LDB2: variants seen among roughly 807,000 people sequenced by gnomAD.
The protein encoded by LDB2 is LIM domain binding 2, also known as LIM domain-binding protein 2.
Under a neutral mutation model 44.3 loss-of-function variants are expected in LDB2, and 12 were observed. The ratio of observed to expected loss-of-function variants is 0.27; its 90% CI spans 0.17 to 0.44. The LOEUF (loss-of-function observed/expected upper bound fraction) is 0.44. Ranked by LOEUF, LDB2 falls within the 20% of genes least tolerant of loss-of-function variation. LDB2 has a pLI of 1.00. For synonymous variants in LDB2, 164 were observed against 174.8 expected (o/e 0.94, Z 0.49); for missense variants, 344 against 473.5 (o/e 0.73, Z 2.54).
intron 1 of LDB2, among the ~76,000 whole-genome samples, chr4:16,865,480 C>T (rs1231148183): frequency 1.3e-5 from 2 of 152,166 alleles, no homozygotes; most frequent in African/African-American, 4.8e-5. Context: ...ACAAGCCCTG[C>T]TGGAGATGGC....
chr4:16,894,622 T>C (rs1322048226), intron 1 of LDB2, among the ~76,000 whole-genome samples: 2 of 152,136 alleles, frequency 1.3e-5, no homozygotes, highest in Non-Finnish European at 2.9e-5. Context: ...ATGTGGGGGA[T>C]GTGAGATGAA....
chr4:16,652,364 T>A (rs183406772), intron 2 of LDB2, among the ~76,000 whole-genome samples: 1 of 152,326 alleles, frequency 6.6e-6, no homozygotes, highest in East Asian at 1.9e-4. Flanking sequence ...TCTTCAGAAC[T>A]GAAAAGCTAC....
intron 2 of LDB2, among the ~76,000 whole-genome samples, chr4:16,753,419 T>G (rs939744524): frequency 6.6e-6 from 1 of 152,086 alleles, no homozygotes; most frequent in Non-Finnish European, 1.5e-5. Flanking sequence ...AAGACAAAAT[T>G]GAAGAACTTA....
intron 1 of LDB2, among the ~76,000 whole-genome samples, chr4:16,853,633 C>T (rs545914241): frequency 6.6e-6 from 1 of 152,268 alleles, no homozygotes; most frequent in East Asian, 1.9e-4. Context: ...TGGACATATA[C>T]CCAAAGGAAA....
At chr4:16,585,202 C>T (rs1716314164) in intron 5 of LDB2, among the ~76,000 whole-genome samples, 1 of 152,260 alleles carries the variant, frequency 6.6e-6, no homozygotes, top group East Asian at 1.9e-4. Flanking sequence ...AAGATGTAGC[C>T]CCAGCTACCC....
chr4:16,798,547 C>T (rs1317450593), intron 1 of LDB2, among the ~76,000 whole-genome samples: 1 of 152,220 alleles, frequency 6.6e-6, no homozygotes, highest in African/African-American at 2.4e-5. Flanking sequence ...TAGTGACTGC[C>T]ACCTCCCAGA....
Position 16,736,564 on chromosome 4 carries a change from G to A in LDB2, c.235+22594C>T, listed in dbSNP as rs1225009966. 7.2e-5 allele frequency among the ~76,000 whole-genome samples: 11 copies of A among 152,290 alleles called. No individual in the cohort carries two copies. The East Asian group carries it at 2.1e-3, about 29-fold the overall frequency. Reference sequence around the variant, plus strand: ...ACAATGGAGAAACATATTAAATTTAGTACAGGAAATCCAGGGTTCAAACCC... The same window carrying A: ...ACAATGGAGAAACATATTAAATTTAATACAGGAAATCCAGGGTTCAAACCC... On this transcript the variant is annotated intron_variant, in intron 2 of 7. Transcript: ENST00000304523.
chr4:16,652,965 A>G (rs1281095254), intron 2 of LDB2, among the ~76,000 whole-genome samples: 1 of 152,204 alleles, frequency 6.6e-6, no homozygotes, highest in Admixed American at 6.5e-5. Context: ...CAATTTACAA[A>G]TAATTAACAT....
intron 2 of LDB2, among the ~76,000 whole-genome samples, chr4:16,662,230 T>G (rs1214484009): frequency 6.6e-6 from 1 of 152,154 alleles, no homozygotes; most frequent in Admixed American, 6.5e-5. Context: ...CCCTGGCCCT[T>G]GCTCACATCC....
At chr4:16,805,673 C>T (rs544701079) in intron 1 of LDB2, among the ~76,000 whole-genome samples, 1 of 152,326 alleles carries the variant, frequency 6.6e-6, no homozygotes, top group African/African-American at 2.4e-5. Flanking sequence ...TTGGGAACCA[C>T]TACCTTGTTC....
rs1035911670 is a variant in LDB2, at chr4:16,582,352, A to T, written c.615+3570T>A. Among the ~76,000 whole-genome samples the T allele has an allele frequency of 1.3e-5, 2 of 152,184 alleles. No homozygotes were observed. The highest frequency in any genetic ancestry group is 4.8e-5 in the African/African-American group (2 of 41,450). On this transcript the variant is annotated intron_variant, in intron 5 of 7. Transcript: ENST00000304523. The surrounding 1 kb of genome is among the most constrained non-coding windows in gnomAD (Gnocchi z 4.8). ...CATTGACCCGGATGGCCCAATGCGC[A>T]CTAAACTGCACTGCCTTCTCATGGT...
chr4:16,864,389 T>C (rs1458743899), intron 1 of LDB2, among the ~76,000 whole-genome samples: 1 of 145,462 alleles, frequency 6.9e-6, no homozygotes, highest in Admixed American at 7.0e-5. Context: ...CACCTTAAAA[T>C]AGAATAGGTC....
intron 1 of LDB2, among the ~76,000 whole-genome samples, chr4:16,827,804 C>T (rs913477278): frequency 3.3e-5 from 5 of 152,164 alleles, no homozygotes; most frequent in Admixed American, 6.5e-5. Context: ...CAAAGATTCA[C>T]GGAAAAGCCT....
Position 16,501,551 on chromosome 4 carries a change from AAC to A in LDB2, c.*1090_*1091del, listed in dbSNP as rs1717539567. The A allele has an allele frequency of 6.5e-6, 1 of 152,774 alleles. No homozygotes were observed. The highest frequency in any genetic ancestry group is 1.9e-4 in the East Asian group (1 of 5,190). The allele number at this position is 152,774 out of a possible 1,614,324, so 9.5% of individuals were successfully genotyped here. On this transcript the variant is annotated 3_prime_UTR_variant, in exon 8 of 8. Coordinates refer to ENST00000304523, the MANE Select transcript of LDB2 (RefSeq NM_001290.5). ...GCCAGATTCACTTGCTTTGGTCATT[AAC>A]ACAGTTTATTATTGGCACACTTATC...
At chr4:16,529,613 A>G (rs1577407749) in intron 5 of LDB2, among the ~76,000 whole-genome samples, 3 of 152,100 alleles carry the variant, frequency 2.0e-5, no homozygotes, top group South Asian at 4.2e-4. Flanking sequence ...TCCTCCACCT[A>G]TCTGCATTTA....
intron 3 of LDB2, among the ~76,000 whole-genome samples, chr4:16,591,377 GTC>G (rs1718897218): frequency 6.6e-6 from 1 of 152,148 alleles, no homozygotes; most frequent in Non-Finnish European, 1.5e-5. Flanking sequence ...CAGTCAAATT[GTC>G]ATGGGCCTAC....
chr4:16,554,176 G>A (rs771009354), intron 5 of LDB2, among the ~76,000 whole-genome samples: 16 of 151,472 alleles, frequency 1.1e-4, no homozygotes, highest in Non-Finnish European at 1.9e-4. Flanking sequence ...TCAGCCTCAC[G>A]AGTAGCTGGG....
intron 1 of LDB2, among the ~76,000 whole-genome samples, chr4:16,849,720 A>G (rs1787808117): frequency 1.3e-5 from 2 of 152,210 alleles, no homozygotes; most frequent in Non-Finnish European, 1.5e-5. Flanking sequence ...AAAAATAGCT[A>G]TCAAGAACAC....
At chr4:16,694,390 T>C (rs1240585662) in intron 2 of LDB2, among the ~76,000 whole-genome samples, 1 of 152,222 alleles carries the variant, frequency 6.6e-6, no homozygotes, top group African/African-American at 2.4e-5. Flanking sequence ...TTTAAGAACA[T>C]TGACCGATCA....
Sources: allele counts gnomAD v4.1 joint callset (sites outside exome capture counted in the v4.1 genomes callset), GRCh38; gene constraint gnomAD v4.1.1; non-coding constraint Gnocchi (gnomAD v3.1); transcripts MANE v1.5; gene names NCBI Gene and HGNC (gene_info 2026-07-23, HGNC 2026-07-21).